ERMAP: variants seen among roughly 807,000 people sequenced by gnomAD.
ERMAP encodes the protein erythroblast membrane associated protein (Scianna blood group).
In ERMAP, 34 loss-of-function variants were observed where a neutral mutation model predicts 49.5. The ratio of observed to expected loss-of-function variants is 0.69; its 90% CI spans 0.52 to 0.91. ERMAP has a LOEUF of 0.91. ERMAP is among the 40% of genes least tolerant of loss of function. The probability of loss-of-function intolerance (pLI) is 0.00; values close to 1 mark genes in which losing one functional copy is unlikely to be tolerated. For synonymous variants in ERMAP, 214 were observed against 232.2 expected (o/e 0.92, Z 0.71); for missense variants, 541 against 582.6 (o/e 0.93, Z 0.74).
chr1:42,837,203 A>G lies in ERMAP; in HGVS notation c.616+13A>G. On this transcript the variant is annotated intron_variant, in intron 7 of 11. Transcript: ENST00000372517. ...GCTAAAGAAAAAGGTAATGATATAA[A>G]AGAGTAAGGGGTAGGGAACAAAAAA... The G allele has an allele frequency of 6.2e-7, 1 of 1,612,918 alleles. No individual in the cohort carries two copies. The highest frequency in any genetic ancestry group is 8.5e-7 in the Non-Finnish European group (1 of 1,178,948).
At position 42,824,283 on chromosome 1, in the gene ERMAP, G is replaced by A. The variant is rs563856814; in HGVS notation, c.-121-1340G>A. ...GAATGGCATGAGCCCAGGAGGCGGAGCTTGCAGTGAGCCGAGATCGTACCA... is the reference window on the plus strand; with the variant it reads ...GAATGGCATGAGCCCAGGAGGCGGAACTTGCAGTGAGCCGAGATCGTACCA... On this transcript the variant is annotated intron_variant, in intron 1 of 11. Transcript: ENST00000372517. Among the ~76,000 whole-genome samples, 4 of 151,718 alleles carry A rather than the reference G, an allele frequency of 2.6e-5. No individual in the cohort carries two copies. In the South Asian group the frequency reaches 8.3e-4, roughly 32 times the overall value.
At chr1:42,842,465 A>G in intron 11 of ERMAP, 52 bp from the exon 12 acceptor site, 1 of 1,515,410 alleles carries the variant, frequency 6.6e-7, no homozygotes, top group Non-Finnish European at 8.9e-7. Flanking sequence ...GCCATCCCCA[A>G]ATCCCTTAAG....
Position 42,842,586 on chromosome 1 carries a change from G to A in ERMAP, c.782G>A (p.Arg261Lys). Residue 261 changes from arginine (R) to lysine (K), a missense_variant, in exon 12 of 12, where the codon AGG becomes AAG. Arg to Lys is a conservative substitution (Grantham distance 26). Transcript: ENST00000372517. ...CTTTCTGAGGACCAAAGATGTGTAAGGCTTGGAGACAGACGGCAGCCTGTA... is the reference window on the plus strand; with the variant it reads ...CTTTCTGAGGACCAAAGATGTGTAAAGCTTGGAGACAGACGGCAGCCTGTA... ...LILSEDQRCV[R>K]LGDRRQPVPD... 1.9e-6 allele frequency: 3 copies of A among 1,614,198 alleles called. No individual in the cohort carries two copies. The highest frequency in any genetic ancestry group is 2.2e-5 in the East Asian group (1 of 44,888).
chr1:42,830,577 T>C (rs766653777), intron 3 of ERMAP, 44 bp downstream of exon 3: 18 of 1,585,332 alleles, frequency 1.1e-5, no homozygotes, highest in Admixed American at 1.7e-5. Flanking sequence ...ACATGTGATA[T>C]TGGCGTCCCC....
Position 42,835,102 on chromosome 1 carries a change from A to C in ERMAP, c.498A>C (p.Val166=). 6.3e-7 allele frequency: 1 copy of C among 1,585,332 alleles called. No homozygotes were observed. Among genetic ancestry groups the C allele is most frequent in the Non-Finnish European group, 8.7e-7 (1 of 1,153,684 alleles). The change falls in exon 5 of 12, where the codon GTA becomes GTC. Residue 166 remains valine (V), a synonymous_variant. Transcript: ENST00000372517. The part of the protein sequence containing the change: ...VALAVILPVL[V]LLIMVCLCLI... ...TGGCTGTGATCCTGCCTGTCCTGGT[A>C]CTTCTCATCATGGTGTGCCTTTGCC... is the stretch of plus-strand genomic sequence containing the variant.
At chr1:42,835,389 T>C (rs1654865177) in intron 5 of ERMAP, among the ~76,000 whole-genome samples, 1 of 152,014 alleles carries the variant, frequency 6.6e-6, no homozygotes, top group African/African-American at 2.4e-5. Flanking sequence ...CTTTGAAAAA[T>C]AAGAAAATAA....
In ERMAP at chr1:42,842,738, G is replaced by A. The variant is rs777008436; in HGVS notation, c.934G>A (p.Glu312Lys). Residue 312 changes from glutamate to lysine, a missense_variant, in exon 12 of 12, where the codon GAG (glutamate) becomes AAG (lysine). Glu to Lys is a moderately conservative substitution (Grantham distance 56, BLOSUM62 1). Coordinates refer to ENST00000372517, the MANE Select transcript of ERMAP (RefSeq NM_001017922.2). ...KTKWILGVCS[E>K]SVSRKGKVTA... ...CAAATGGATTCTTGGAGTATGTAGT[G>A]AGTCAGTGAGCAGGAAGGGGAAGGT... 2 of 1,614,192 alleles carry A rather than the reference G, an allele frequency of 1.2e-6. No individual in the cohort carries two copies. The highest frequency in any genetic ancestry group is 1.7e-6 in the Non-Finnish European group (2 of 1,180,036).
chr1:42,838,779 A>T, intron 7 of ERMAP, 122 bp from the exon 8 acceptor site: 1 of 1,475,572 alleles, frequency 6.8e-7, no homozygotes, highest in Non-Finnish European at 9.4e-7. Context: ...GAGCTGGACT[A>T]GGGACATAGA....
intron 6 of ERMAP, 68 bp downstream of exon 6, chr1:42,835,832 C>A: frequency 5.1e-6 from 8 of 1,554,644 alleles, no homozygotes; most frequent in Non-Finnish European, 6.9e-6. Context: ...CCCCCCATAC[C>A]CACTAACCTG....
Position 42,842,781 on chromosome 1 carries a change from A to T in ERMAP, c.977A>T (p.Asn326Ile). Residue 326 changes from asparagine (N) to isoleucine (I), a missense_variant, in exon 12 of 12, where the codon AAT becomes ATT. Transcript: ENST00000372517. ...RKGKVTASPA[N>I]GHWLLRQSRG... ...GGGAAGGTTACTGCCTCACCTGCCA[A>T]TGGACACTGGCTTCTGCGACAGAGT... 6.2e-7 allele frequency: 1 copy of T among 1,614,162 alleles called. No individual in the cohort carries two copies. The highest frequency in any genetic ancestry group is 8.5e-7 in the Non-Finnish European group (1 of 1,180,014).
At chr1:42,829,137 T>C (rs1360610155) in intron 2 of ERMAP, among the ~76,000 whole-genome samples, 1 of 152,216 alleles carries the variant, frequency 6.6e-6, no homozygotes, top group East Asian at 1.9e-4. Context: ...TGTGTCCTAA[T>C]GTGATCCTAA....
At chr1:42,825,855 A>C in intron 2 of ERMAP, 117 bp downstream of exon 2, 1 of 1,174,040 alleles carries the variant, frequency 8.5e-7, no homozygotes, top group Non-Finnish European at 1.1e-6. Flanking sequence ...TCAAGGGTGA[A>C]ATGGGGCAGT....
chr1:42,831,575 C>CTTTTTT (rs796367653), intron 4 of ERMAP, among the ~76,000 whole-genome samples: 42 of 83,980 alleles, frequency 5.0e-4, no homozygotes, highest in South Asian at 1.4e-3. Flanking sequence ...TTTTTTTTCT[C>CTTTTTT]TTTTTTTTTT....
intron 1 of ERMAP, 57 bp downstream of exon 1, chr1:42,817,310 G>C (rs987849407): frequency 3.6e-5 from 42 of 1,172,024 alleles, no homozygotes; most frequent in Non-Finnish European, 4.5e-5. Flanking sequence ...ACCGCCCCTC[G>C]TCCTGGGCGG....
intron 4 of ERMAP, among the ~76,000 whole-genome samples, chr1:42,833,326 TAGAG>T (rs1319468597): frequency 6.6e-6 from 1 of 152,244 alleles, no homozygotes; most frequent in Non-Finnish European, 1.5e-5. Context: ...TAGCTTAAAT[TAGAG>T]AGAACTGCTG....
intron 7 of ERMAP, 134 bp from the exon 8 acceptor site, chr1:42,838,767 C>T (rs919315778): frequency 1.0e-5 from 14 of 1,385,654 alleles, no homozygotes; most frequent in African/African-American, 4.3e-5. Context: ...CTCTGGGACA[C>T]GGAGCTGGAC....
intron 1 of ERMAP, among the ~76,000 whole-genome samples, chr1:42,818,831 G>T (rs913352776): frequency 5.3e-5 from 8 of 152,112 alleles, no homozygotes; most frequent in Admixed American, 2.6e-4. Flanking sequence ...TACATTAAAT[G>T]TCTTTTTAAA....
intron 8 of ERMAP, chr1:42,839,185 T>A: frequency 1.8e-6 from 1 of 564,680 alleles, no homozygotes; most frequent in Non-Finnish European, 3.2e-6. Flanking sequence ...TGAAGCCATC[T>A]GGAAGTCCCT....
chr1:42,839,854 G>A (rs1439709007), intron 8 of ERMAP, 179 bp from the exon 9 acceptor site: 1 of 649,644 alleles, frequency 1.5e-6, no homozygotes, highest in Admixed American at 2.8e-5. Context: ...AGTATCTCTG[G>A]GGATACTCCC....
Sources: gnomAD v4.1 joint callset for allele counts (sites outside exome capture counted in the v4.1 genomes callset) on GRCh38, gnomAD v4.1.1 for gene constraint, MANE v1.5 for transcripts, NCBI Gene and HGNC (gene_info 2026-07-23, HGNC 2026-07-21) for gene names.